The following ZFHX3 variants were observed in gnomAD, a reference collection of about 807,000 sequenced individuals.
ZFHX3 encodes zinc finger homeobox protein 3.
A neutral mutation model predicts 279.1 loss-of-function variants in ZFHX3; 42 were observed. The ratio of observed to expected loss-of-function variants is 0.15; its 90% CI spans 0.12 to 0.19. The LOEUF (loss-of-function observed/expected upper bound fraction) is 0.19. ZFHX3 is among the 10% of genes least tolerant of loss of function. The pLI, the probability that ZFHX3 is intolerant of heterozygous loss-of-function variation, is 1.00. For synonymous variants in ZFHX3, 2,293 were observed against 1,957.8 expected (o/e 1.17, Z -4.52); for missense variants, 4,981 against 4,754.0 (o/e 1.05, Z -1.40).
chr16:73,292,707 G>C (rs900594755), intron 4 of ZFHX3, among the ~76,000 whole-genome samples: 2 of 152,104 alleles, frequency 1.3e-5, no homozygotes, highest in East Asian at 1.9e-4. Context: ...CGGGCCTCAG[G>C]GGGTGCATAA....
In ZFHX3 at chr16:73,053,529, C is replaced by T. The variant is rs539465034; in HGVS notation, c.-24+5001G>A. On this transcript the variant is annotated intron_variant, in intron 1 of 8. Coordinates refer to the ZFHX3 transcript ENST00000397992. ...AATAAGGATGTATTAAAGACACAGA[C>T]AAGGTGTGGCAGGGGCAAAGTGGGG... Among the ~76,000 whole-genome samples, 4 of 151,958 alleles carry T rather than the reference C, an allele frequency of 2.6e-5. No individual in the cohort carries two copies. In the East Asian group the frequency reaches 7.8e-4, roughly 29 times the overall value.
chr16:72,840,490 G>A (rs1051585982), intron 4 of ZFHX3, among the ~76,000 whole-genome samples: 20 of 152,160 alleles, frequency 1.3e-4, no homozygotes, highest in Admixed American at 1.3e-3. Context: ...GGACTATTTG[G>A]GGCAAAGAGA....
At chr16:73,120,018 G>A (rs1966477311) in intron 7 of ZFHX3, among the ~76,000 whole-genome samples, 1 of 152,118 alleles carries the variant, frequency 6.6e-6, no homozygotes, top group South Asian at 2.1e-4. Flanking sequence ...TTCCCAGTGG[G>A]TTTTAGTGGT....
chr16:73,889,465 G>T (rs1365640675), intron 1 of ZFHX3, among the ~76,000 whole-genome samples: 1 of 152,214 alleles, frequency 6.6e-6, no homozygotes, highest in African/African-American at 2.4e-5. Context: ...ATCTCCCAGA[G>T]AATGAACTTG....
chr16:72,930,781 G>C (rs1160596937), intron 3 of ZFHX3, among the ~76,000 whole-genome samples: 4 of 152,096 alleles, frequency 2.6e-5, no homozygotes, highest in Admixed American at 2.6e-4. Context: ...GTTCTGGTAA[G>C]AATAAATGAC....
At chr16:73,679,888 A>T (rs1567549631) in intron 2 of ZFHX3, 1 of 152,152 alleles carries the variant, frequency 6.6e-6, no homozygotes, top group Non-Finnish European at 1.5e-5. Flanking sequence ...TAGCAACAGG[A>T]TTCATTTTTT....
chr16:73,119,721 A>G (rs1368690489), intron 7 of ZFHX3, among the ~76,000 whole-genome samples: 1 of 152,164 alleles, frequency 6.6e-6, no homozygotes, highest in Non-Finnish European at 1.5e-5. Flanking sequence ...GTCTTGCTCT[A>G]TCCCCCAGGC....
At chr16:73,783,998 G>A (rs1409406036) in intron 1 of ZFHX3, among the ~76,000 whole-genome samples, 2 of 152,150 alleles carry the variant, frequency 1.3e-5, no homozygotes, top group African/African-American at 2.4e-5. Flanking sequence ...AAAGGAGACA[G>A]AAGGGAAAGC....
At chr16:73,356,529 C>T (rs78225113) in intron 3 of ZFHX3, among the ~76,000 whole-genome samples, 2,389 of 152,134 alleles carry the variant, frequency 0.016, 39 homozygotes, top group Non-Finnish European at 0.023. Flanking sequence ...CCTTGTTCTA[C>T]ATGCTAAAGA....
chr16:73,640,429 A>G (rs1005768106), intron 2 of ZFHX3, among the ~76,000 whole-genome samples: 6 of 152,344 alleles, frequency 3.9e-5, no homozygotes, highest in Admixed American at 3.3e-4. Flanking sequence ...TGCAAAAAAA[A>G]AGAAAGAACT....
intron 1 of ZFHX3, among the ~76,000 whole-genome samples, chr16:73,847,300 T>A (rs896932351): frequency 6.6e-6 from 1 of 151,952 alleles, no homozygotes; most frequent in African/African-American, 2.4e-5. Context: ...CAACTTCATC[T>A]CAAAAAGAAA....
chr16:73,242,326 CCTT>C (rs757677708), intron 5 of ZFHX3, among the ~76,000 whole-genome samples: 80 of 152,256 alleles, frequency 5.3e-4, no homozygotes, highest in Non-Finnish European at 8.4e-4. Context: ...TCCAGATCCT[CCTT>C]CTACAACTAT....
chr16:73,444,026 G>T (rs927333995), intron 3 of ZFHX3, among the ~76,000 whole-genome samples: 2 of 152,212 alleles, frequency 1.3e-5, no homozygotes, highest in African/African-American at 2.4e-5. Context: ...CTCCCAAAGT[G>T]CTGGGATTAC....
intron 2 of ZFHX3, among the ~76,000 whole-genome samples, chr16:73,555,556 T>A (rs948123869): frequency 6.8e-6 from 1 of 148,050 alleles, no homozygotes; most frequent in Admixed American, 6.8e-5. Context: ...GTTGGCCGGG[T>A]GCCGGGGCTC....
intron 2 of ZFHX3, among the ~76,000 whole-genome samples, chr16:73,631,925 T>TCA (rs1253240451): frequency 0.017 from 1,575 of 90,828 alleles, 30 homozygotes; most frequent in African/African-American, 0.05. Context: ...TCTCTCTCTC[T>TCA]CTCACACACA....
At chr16:73,523,638 C>A (rs1413190380) in intron 2 of ZFHX3, among the ~76,000 whole-genome samples, 2 of 123,838 alleles carry the variant, frequency 1.6e-5, no homozygotes, top group Non-Finnish European at 3.4e-5. Context: ...TTTTTTTTTT[C>A]ATATGTATAT....
intron 1 of ZFHX3, among the ~76,000 whole-genome samples, chr16:73,729,554 C>A (rs62870160): frequency 1.2e-3 from 66 of 55,052 alleles, no homozygotes; most frequent in East Asian, 9.4e-3. Flanking sequence ...ACAAACAAAC[C>A]AAAAAAAAAA....
chr16:73,646,315 A>C (rs556480308), intron 2 of ZFHX3, among the ~76,000 whole-genome samples: 1 of 152,300 alleles, frequency 6.6e-6, no homozygotes, highest in Non-Finnish European at 1.5e-5. Context: ...CTTAGAGATG[A>C]GACAATGAGG....
intron 1 of ZFHX3, among the ~76,000 whole-genome samples, chr16:72,986,479 C>T (rs1962849080): frequency 6.6e-6 from 1 of 152,146 alleles, no homozygotes; most frequent in South Asian, 2.1e-4. Flanking sequence ...GCATTTCCGC[C>T]AACACTACTC....
Sources: gnomAD v4.1 joint callset for allele counts (sites outside exome capture counted in the v4.1 genomes callset) on GRCh38, gnomAD v4.1.1 for gene constraint, MANE v1.5 for transcripts, NCBI Gene and HGNC (gene_info 2026-07-23, HGNC 2026-07-21) for gene names.